The following CSMD1 variants were observed in gnomAD, a reference collection of about 807,000 sequenced individuals.
CSMD1 encodes the protein CUB and sushi domain-containing protein 1.
A neutral mutation model predicts 417.5 loss-of-function variants in CSMD1; 213 were observed. The ratio of observed to expected loss-of-function variants is 0.51; its 90% CI spans 0.46 to 0.57. The LOEUF (loss-of-function observed/expected upper bound fraction) is 0.57. Among genes scored for constraint, CSMD1 ranks in the 20% least tolerant of loss-of-function variants. CSMD1 has a pLI of 0.00. For missense variants in CSMD1, 6,923 were observed against 4,529.7 expected (o/e 1.53, Z -15.17); for synonymous variants, 2,862 against 1,736.8 (o/e 1.65, Z -16.11).
intron 7 of CSMD1, among the ~76,000 whole-genome samples, chr8:3,687,853 C>T (rs1346610503): frequency 1.3e-5 from 2 of 152,192 alleles, no homozygotes; most frequent in African/African-American, 4.8e-5. Flanking sequence ...CTCTTGGTCT[C>T]CACTCAGTGA....
intron 3 of CSMD1, among the ~76,000 whole-genome samples, chr8:4,214,981 C>G (rs1052220401): frequency 1.5e-4 from 23 of 152,274 alleles, no homozygotes; most frequent in African/African-American, 4.8e-4. Flanking sequence ...GCACAGCTTA[C>G]TCTGTCAGGA....
At chr8:4,373,966 G>C (rs184605821) in intron 3 of CSMD1, among the ~76,000 whole-genome samples, 2 of 152,110 alleles carry the variant, frequency 1.3e-5, no homozygotes, top group African/African-American at 2.4e-5. Context: ...GAGTAGACTT[G>C]ATATATACCA....
intron 7 of CSMD1, among the ~76,000 whole-genome samples, chr8:3,682,132 C>A (rs1799697082): frequency 1.3e-5 from 2 of 152,100 alleles, no homozygotes; most frequent in Admixed American, 6.6e-5. Context: ...TAGGCATGGG[C>A]AAGGACTTCA....
chr8:4,586,817 C>G (rs567298332), intron 2 of CSMD1, among the ~76,000 whole-genome samples: 1 of 152,340 alleles, frequency 6.6e-6, no homozygotes, highest in Non-Finnish European at 1.5e-5. Flanking sequence ...GTTCTGCACA[C>G]AGGTCTGCAC....
At chr8:4,197,572 C>A (rs1007750066) in intron 3 of CSMD1, among the ~76,000 whole-genome samples, 3 of 152,140 alleles carry the variant, frequency 2.0e-5, no homozygotes, top group Non-Finnish European at 4.4e-5. Context: ...CTTTGGAGAG[C>A]CCTGGCTAAT....
intron 2 of CSMD1, among the ~76,000 whole-genome samples, chr8:4,449,382 A>C (rs376421813): frequency 6.6e-6 from 1 of 152,190 alleles, no homozygotes; most frequent in Non-Finnish European, 1.5e-5. Context: ...TCTGGTGTAT[A>C]ACATAAGAGA....
intron 5 of CSMD1, among the ~76,000 whole-genome samples, chr8:3,790,398 C>T (rs777546855): frequency 2.0e-5 from 3 of 151,946 alleles, no homozygotes; most frequent in Non-Finnish European, 4.4e-5. Context: ...TGATGTTTGA[C>T]AGTTATAATG....
rs1044877492 is a variant in CSMD1, at chr8:3,007,532, C to T, written c.8030-7401G>A. Reference sequence around the variant, plus strand: ...ACTTGGAAGCAACCCAAATGTCCAACGATGATAGACTGGATTAAGAAAATG... The same window carrying T: ...ACTTGGAAGCAACCCAAATGTCCAATGATGATAGACTGGATTAAGAAAATG... On this transcript the variant is annotated intron_variant, in intron 52 of 69. Transcript: ENST00000635120. Among the ~76,000 whole-genome samples the T allele has an allele frequency of 5.2e-3, 781 of 151,382 alleles. 8 individuals are homozygous for T. Among genetic ancestry groups the T allele is most frequent in the African/African-American group, 0.018 (739 of 40,822 alleles).
intron 3 of CSMD1, among the ~76,000 whole-genome samples, chr8:4,327,465 G>T (rs1009819787): frequency 6.6e-6 from 1 of 152,166 alleles, no homozygotes; most frequent in Admixed American, 6.5e-5. Context: ...GTTGCTGCCT[G>T]TAGGTAACTG....
chr8:3,125,857 A>T (rs901950839), intron 41 of CSMD1, among the ~76,000 whole-genome samples: 1 of 152,022 alleles, frequency 6.6e-6, no homozygotes, highest in Non-Finnish European at 1.5e-5. Context: ...GATGCCTGTA[A>T]CCCCAGCTAC....
At chr8:3,375,034 G>A (rs150827383) in intron 18 of CSMD1, 5 of 152,266 alleles carry the variant, frequency 3.3e-5, no homozygotes, top group African/African-American at 4.8e-5. Context: ...AAGAGGAGCT[G>A]GTGATGATAC....
intron 3 of CSMD1, among the ~76,000 whole-genome samples, chr8:4,400,843 T>C (rs1804597835): frequency 6.6e-6 from 1 of 152,090 alleles, no homozygotes; most frequent in African/African-American, 2.4e-5. Context: ...AAGAACATTT[T>C]TTATTTAATA....
chr8:4,516,695 A>C (rs1014986062), intron 2 of CSMD1, among the ~76,000 whole-genome samples: 1 of 152,118 alleles, frequency 6.6e-6, no homozygotes, highest in Admixed American at 6.5e-5. Flanking sequence ...AGATTCCTCC[A>C]ACCCCTACAC....
intron 2 of CSMD1, among the ~76,000 whole-genome samples, chr8:4,445,156 G>A (rs1044496214): frequency 6.6e-6 from 1 of 152,098 alleles, no homozygotes; most frequent in Non-Finnish European, 1.5e-5. Flanking sequence ...TTGGGTGATG[G>A]CACTAGAAGA....
intron 3 of CSMD1, among the ~76,000 whole-genome samples, chr8:4,077,345 A>T (rs1425726350): frequency 6.8e-6 from 1 of 146,444 alleles, no homozygotes; most frequent in African/African-American, 2.6e-5. Flanking sequence ...GATTATATAT[A>T]ATTTATATTT....
intron 3 of CSMD1, among the ~76,000 whole-genome samples, chr8:4,383,588 A>G (rs2128920011): frequency 6.6e-6 from 1 of 152,296 alleles, no homozygotes; most frequent in African/African-American, 2.4e-5. Flanking sequence ...GGGCCCTGAA[A>G]CATGGAAGTG....
intron 2 of CSMD1, among the ~76,000 whole-genome samples, chr8:4,542,054 T>G (rs1239620632): frequency 1.3e-5 from 2 of 152,126 alleles, no homozygotes; most frequent in Non-Finnish European, 2.9e-5. Flanking sequence ...GAAGTCCCCG[T>G]GTGCAATGGG....
chr8:3,742,760 G>A (rs907253873), intron 6 of CSMD1, among the ~76,000 whole-genome samples: 3 of 151,868 alleles, frequency 2.0e-5, no homozygotes, highest in Admixed American at 6.6e-5. Flanking sequence ...AAAACAAAAC[G>A]AAACGAAACA....
At chr8:4,187,580 G>A (rs748253439) in intron 3 of CSMD1, among the ~76,000 whole-genome samples, 2 of 149,040 alleles carry the variant, frequency 1.3e-5, no homozygotes, top group Non-Finnish European at 3.0e-5. Context: ...GGAGGCTAAT[G>A]TAGGAGAATC....
Sources: allele counts gnomAD v4.1 joint callset (sites outside exome capture counted in the v4.1 genomes callset), GRCh38; gene constraint gnomAD v4.1.1; transcripts MANE v1.5; gene names NCBI Gene and HGNC (gene_info 2026-07-23, HGNC 2026-07-21).